Variants in TNFRSF10A observed in about 807,000 individuals in gnomAD.
The protein encoded by TNFRSF10A is TNF receptor superfamily member 10a.
TNFRSF10A carries 44 observed loss-of-function variants against 42.8 expected under a neutral mutation model. That is an observed-to-expected ratio of 1.03 (90% confidence interval 0.81 to 1.32). The LOEUF is 1.32. TNFRSF10A is among the 40% of genes most tolerant of loss of function. TNFRSF10A has a pLI of 0.00. For synonymous variants in TNFRSF10A, 259 were observed against 234.2 expected, an observed-to-expected ratio of 1.11 and a Z score of -0.97; for missense variants, 680 against 602.0, an observed-to-expected ratio of 1.13 and a Z score of -1.36.
At chr8:23,214,721 T>C (rs1801151744) in intron 1 of TNFRSF10A, among the ~76,000 whole-genome samples, 1 of 152,318 alleles carries the variant, frequency 6.6e-6, no homozygotes, top group East Asian at 1.9e-4. Context: ...GATTGGGCAG[T>C]GTTCACATAC....
intron 9 of TNFRSF10A, among the ~76,000 whole-genome samples, chr8:23,195,062 G>A (rs1013340188): frequency 8.5e-5 from 13 of 152,240 alleles, no homozygotes; most frequent in Admixed American, 3.3e-4. Context: ...AGGAGGCTGA[G>A]GCGTGAGAAT....
At chr8:23,209,151 G>A (rs1563382701) in intron 2 of TNFRSF10A, among the ~76,000 whole-genome samples, 1 of 152,200 alleles carries the variant, frequency 6.6e-6, no homozygotes, top group Non-Finnish European at 1.5e-5. Flanking sequence ...CTCCCACATG[G>A]TGTTAAGCCT....
At chr8:23,218,983 T>G (rs1471915441) in intron 1 of TNFRSF10A, among the ~76,000 whole-genome samples, 1 of 152,160 alleles carries the variant, frequency 6.6e-6, no homozygotes, top group Non-Finnish European at 1.5e-5. Flanking sequence ...ATGTTGATTT[T>G]AATGAAACCA....
At chr8:23,222,755 G>C (rs1404824271) in intron 1 of TNFRSF10A, among the ~76,000 whole-genome samples, 1 of 152,154 alleles carries the variant, frequency 6.6e-6, no homozygotes, top group Admixed American at 6.5e-5. Context: ...CTCATGAAAG[G>C]CTTGGTGCCA....
intron 3 of TNFRSF10A, 123 bp downstream of exon 3, chr8:23,202,525 T>G (rs143556803): frequency 3.9e-5 from 28 of 713,812 alleles, no homozygotes; most frequent in Admixed American, 1.3e-4. Context: ...GACATAACCA[T>G]GGAACAGGGT....
chr8:23,196,263 G>T (rs1475377188), intron 9 of TNFRSF10A, among the ~76,000 whole-genome samples: 1 of 151,978 alleles, frequency 6.6e-6, no homozygotes, highest in African/African-American at 2.4e-5. Flanking sequence ...GCGCTATCTT[G>T]GCTCACTGCA....
At chr8:23,201,135 A>C (rs1257603629) in intron 4 of TNFRSF10A, among the ~76,000 whole-genome samples, 1 of 152,158 alleles carries the variant, frequency 6.6e-6, no homozygotes, top group Non-Finnish European at 1.5e-5. Flanking sequence ...CCCACAGTAC[A>C]AGTGAGCCCT....
intron 2 of TNFRSF10A, chr8:23,207,118 C>T (rs1801026101): frequency 5.2e-6 from 3 of 576,794 alleles, no homozygotes; most frequent in South Asian, 4.3e-5. Context: ...GACCACTATG[C>T]TATCATCAAG....
At chr8:23,213,616 T>G (rs1801126922) in intron 1 of TNFRSF10A, among the ~76,000 whole-genome samples, 1 of 151,502 alleles carries the variant, frequency 6.6e-6, no homozygotes, top group Admixed American at 6.6e-5. Flanking sequence ...CCCAGCTACG[T>G]TTTTTGTATT....
intron 9 of TNFRSF10A, among the ~76,000 whole-genome samples, chr8:23,195,965 T>G (rs145643137): frequency 8.5e-5 from 13 of 152,266 alleles, no homozygotes; most frequent in African/African-American, 1.7e-4. Context: ...AAAAGGTTTT[T>G]TTGTTGTTGT....
intron 1 of TNFRSF10A, among the ~76,000 whole-genome samples, chr8:23,213,474 G>T (rs1801122838): frequency 1.7e-5 from 1 of 58,512 alleles, no homozygotes; most frequent in Admixed American, 2.7e-4. Context: ...TTGAGACAGA[G>T]TCTCGCTCTG....
intron 2 of TNFRSF10A, among the ~76,000 whole-genome samples, chr8:23,208,721 G>A (rs1029194299): frequency 3.3e-5 from 5 of 152,162 alleles, no homozygotes; most frequent in African/African-American, 4.8e-5. Flanking sequence ...CTCCCAAAGT[G>A]CTGGGATTAC....
chr8:23,201,839 A>C lies in TNFRSF10A; in HGVS notation c.598T>G (p.Ser200Ala), dbSNP rs756213970. 6.2e-7 allele frequency: 1 copy of C among 1,614,178 alleles called. No individual in the cohort carries two copies. Among genetic ancestry groups the C allele is most frequent in the South Asian group, 1.1e-5 (1 of 91,082 alleles). The change falls in exon 4 of 10, where the codon TCT (serine) becomes GCT (alanine). Residue 200 changes from serine (S) to alanine (A), a missense_variant. Ser to Ala is a moderately conservative substitution (Grantham distance 99). Transcript: ENST00000221132. ...CTGCACTTCCGGCACATCTCAGCAG[A>C]ATTGTCATTCCGGAAAGTTCCTGGT... The part of the protein sequence containing the change: ...CKPGTFRNDN[S>A]AEMCRKCSRG...
intron 2 of TNFRSF10A, among the ~76,000 whole-genome samples, chr8:23,208,657 C>T (rs571120794): frequency 2.0e-5 from 3 of 152,170 alleles, no homozygotes; most frequent in South Asian, 2.1e-4. Flanking sequence ...GGGGTTTCAC[C>T]GTGTTCGCCA....
intron 2 of TNFRSF10A, among the ~76,000 whole-genome samples, chr8:23,209,070 G>T (rs1801057346): frequency 6.6e-6 from 1 of 152,166 alleles, no homozygotes; most frequent in Non-Finnish European, 1.5e-5. Context: ...AGCCACTCCA[G>T]CTGTGACTAA....
chr8:23,220,849 A>T (rs1231681811), intron 1 of TNFRSF10A, among the ~76,000 whole-genome samples: 1 of 152,192 alleles, frequency 6.6e-6, no homozygotes, highest in African/African-American at 2.4e-5. Flanking sequence ...GTTGCCTCTC[A>T]GTAGGGGCTG....
At chr8:23,199,230 C>A in intron 8 of TNFRSF10A, 36 bp downstream of exon 8, 1 of 1,592,546 alleles carries the variant, frequency 6.3e-7, no homozygotes, top group Non-Finnish European at 8.6e-7. Context: ...TCACCCCCTG[C>A]CTACAAGGTC....
intron 2 of TNFRSF10A, among the ~76,000 whole-genome samples, chr8:23,210,695 A>C (rs2128850066): frequency 6.6e-6 from 1 of 152,338 alleles, no homozygotes; most frequent in East Asian, 1.9e-4. Flanking sequence ...AACAAAAAAC[A>C]AAACAAAACA....
intron 2 of TNFRSF10A, 114 bp from the exon 3 acceptor site, chr8:23,202,875 C>T: frequency 1.4e-6 from 1 of 692,766 alleles, no homozygotes; most frequent in Non-Finnish European, 2.6e-6. Context: ...CAGAGAAATC[C>T]CATCTTCTTG....
Sources: gnomAD v4.1 joint callset for allele counts (sites outside exome capture counted in the v4.1 genomes callset) on GRCh38, gnomAD v4.1.1 for gene constraint, MANE v1.5 for transcripts, NCBI Gene and HGNC (gene_info 2026-07-23, HGNC 2026-07-21) for gene names.